TMTC4: variants seen among roughly 807,000 people sequenced by gnomAD.
TMTC4 encodes the protein transmembrane O-mannosyltransferase targeting cadherins 4.
In TMTC4, 65 loss-of-function variants were observed where a neutral mutation model predicts 86.0. That is an observed-to-expected ratio of 0.76 (90% CI 0.62 to 0.93). TMTC4 has a LOEUF of 0.93. Among genes scored for constraint, TMTC4 ranks in the 40% least tolerant of loss-of-function variants. TMTC4 has a pLI of 0.00. For synonymous variants in TMTC4, 379 were observed against 382.5 expected, an observed-to-expected ratio of 0.99 and a Z score of 0.11; for missense variants, 866 against 948.1, an observed-to-expected ratio of 0.91 and a Z score of 1.14.
intron 15 of TMTC4, among the ~76,000 whole-genome samples, chr13:100,621,378 G>C (rs1879443470): frequency 6.6e-6 from 1 of 152,054 alleles, no homozygotes; most frequent in Non-Finnish European, 1.5e-5. Flanking sequence ...AGTAACAGAA[G>C]AGCAATCCCC....
At chr13:100,672,585 G>A (rs1357775188) in intron 1 of TMTC4, among the ~76,000 whole-genome samples, 1 of 152,104 alleles carries the variant, frequency 6.6e-6, no homozygotes, top group Non-Finnish European at 1.5e-5. Context: ...CACCTTACTG[G>A]GCTCAAGGGA....
intron 6 of TMTC4, 87 bp from the exon 7 acceptor site, chr13:100,642,398 C>T: frequency 1.1e-5 from 16 of 1,414,376 alleles, no homozygotes; most frequent in South Asian, 9.6e-5. Flanking sequence ...TAAGCAAATA[C>T]CTTAAACAAC....
At chr13:100,610,231 C>T (rs912234977) in intron 17 of TMTC4, among the ~76,000 whole-genome samples, 7 of 152,182 alleles carry the variant, frequency 4.6e-5, no homozygotes, top group Non-Finnish European at 8.8e-5. Context: ...GTCTGTTCAC[C>T]CAGCCCTGCG....
chr13:100,605,328 T>G lies in TMTC4; in HGVS notation c.2135-186A>C, dbSNP rs895912288. On this transcript the variant is annotated intron_variant, in intron 18 of 18. Coordinates refer to ENST00000342624, the MANE Select transcript of TMTC4 (RefSeq NM_032813.5). This position sits in a 1 kb window ranked among gnomAD's most constrained non-coding sequence, Gnocchi z 4.3. ...ATCACACTCCCTGATGATTATCCAT[T>G]TACTGCCAGTTACTCCTAGGGCTCT... is the stretch of plus-strand genomic sequence containing the variant. Among the ~76,000 whole-genome samples, 1 of 152,218 alleles carries G rather than the reference T, an allele frequency of 6.6e-6. No homozygotes were observed. Among genetic ancestry groups the G allele is most frequent in the Non-Finnish European group, 1.5e-5 (1 of 68,044 alleles).
intron 6 of TMTC4, among the ~76,000 whole-genome samples, chr13:100,652,426 C>G (rs1024445231): frequency 2.3e-4 from 35 of 152,296 alleles, no homozygotes; most frequent in African/African-American, 7.2e-4. Flanking sequence ...TTGCAGTGAG[C>G]TGAGATTGTA....
chr13:100,631,060 G>T (rs542886713), intron 12 of TMTC4, among the ~76,000 whole-genome samples: 2 of 152,336 alleles, frequency 1.3e-5, no homozygotes, highest in Middle Eastern at 3.4e-3. Flanking sequence ...ACTTAAAATA[G>T]TGTTTAGAGA....
chr13:100,673,822 C>CT (rs1887454952), intron 1 of TMTC4, among the ~76,000 whole-genome samples: 1 of 152,212 alleles, frequency 6.6e-6, no homozygotes, highest in East Asian at 1.9e-4. Flanking sequence ...CCCACTCCAT[C>CT]TGGGGCGCGC....
intron 4 of TMTC4, 127 bp downstream of exon 4, chr13:100,664,084 TATATGAGCAG>T: frequency 1.7e-6 from 1 of 592,056 alleles, no homozygotes; most frequent in African/African-American, 1.9e-5. Context: ...GAGACCCATG[TATATGAGCAG>T]CTCAGACCCC....
intron 17 of TMTC4, among the ~76,000 whole-genome samples, chr13:100,610,269 C>T (rs1252960042): frequency 6.6e-6 from 1 of 152,238 alleles, no homozygotes; most frequent in African/African-American, 2.4e-5. Flanking sequence ...TTCTCTGGGA[C>T]ATCCTGCCCA....
At chr13:100,614,497 T>TAA (rs370662314) in intron 15 of TMTC4, 67 bp from the exon 16 acceptor site, 811 of 766,310 alleles carry the variant, frequency 1.1e-3, no homozygotes, top group South Asian at 2.2e-3. Context: ...AAGACATTAT[T>TAA]AAAAAAAAAA....
Position 100,610,515 on chromosome 13 carries a change from G to A in TMTC4, c.2064+1883C>T, listed in dbSNP as rs184649059. Among the ~76,000 whole-genome samples the A allele has an allele frequency of 2.9e-3, 449 of 152,316 alleles. 4 individuals are homozygous for A. The highest frequency in any genetic ancestry group is 4.3e-3 in the Non-Finnish European group (295 of 68,030). On this transcript the variant is annotated intron_variant, in intron 17 of 18. Coordinates refer to ENST00000342624, the MANE Select transcript of TMTC4 (RefSeq NM_032813.5). Reference sequence around the variant, plus strand: ...CTTGGTAGCTCCTGAAGATCTCATCGTGAGTTCTGTGTTTCAGATTTCACC... The same window carrying A: ...CTTGGTAGCTCCTGAAGATCTCATCATGAGTTCTGTGTTTCAGATTTCACC...
chr13:100,612,771 G>C (rs748600012), intron 16 of TMTC4, among the ~76,000 whole-genome samples: 1 of 151,848 alleles, frequency 6.6e-6, no homozygotes, highest in East Asian at 1.9e-4. Context: ...ATTAACTTCT[G>C]TAAAACCATC....
intron 17 of TMTC4, among the ~76,000 whole-genome samples, chr13:100,607,427 G>A (rs1374700530): frequency 1.3e-5 from 2 of 151,694 alleles, no homozygotes; most frequent in Non-Finnish European, 1.5e-5. Flanking sequence ...TGAGGCAGGA[G>A]AATTGCTCCA....
intron 15 of TMTC4, among the ~76,000 whole-genome samples, chr13:100,621,008 G>C (rs1351526414): frequency 6.6e-6 from 1 of 152,192 alleles, no homozygotes; most frequent in East Asian, 1.9e-4. Flanking sequence ...AAATAAGCAG[G>C]AACAGTTGGC....
rs1469393387 is a variant in TMTC4, at chr13:100,637,552, T to C, written c.985A>G (p.Ser329Gly). Residue 329 changes from serine to glycine, a missense_variant, in exon 9 of 19, where the codon AGC becomes GGC. By Grantham distance (56) the Ser-to-Gly change is moderately conservative. Transcript: ENST00000342624. ...EVDNPASFADSMLVRAVNYNY... is the reference protein window; with the variant it reads ...EVDNPASFADGMLVRAVNYNY... The stretch of plus-strand genomic sequence containing the variant: ...TCAGAACTCACCCTCACCAGCATGC[T>C]GTCAGCAAAGGAGGCCGGGTTGTCC... 2 of 1,613,462 alleles carry C rather than the reference T, an allele frequency of 1.2e-6. No individual in the cohort carries two copies. The highest frequency in any genetic ancestry group is 8.5e-7 in the Non-Finnish European group (1 of 1,179,768).
chr13:100,639,450 G>A (rs867359430), intron 7 of TMTC4, among the ~76,000 whole-genome samples: 5 of 152,246 alleles, frequency 3.3e-5, no homozygotes, highest in Middle Eastern at 3.2e-3. Flanking sequence ...CAGTTTTCCT[G>A]TGAGCTGCAG....
intron 13 of TMTC4, 57 bp downstream of exon 13, chr13:100,626,014 T>C: frequency 6.2e-7 from 1 of 1,607,568 alleles, no homozygotes; most frequent in Non-Finnish European, 8.5e-7. Flanking sequence ...GTGTTTCATA[T>C]TAGAAAGTGA....
intron 12 of TMTC4, among the ~76,000 whole-genome samples, chr13:100,632,049 ACACACTCTCTCTCTCTCTCTCTCTCT>A (rs1881487632): frequency 2.6e-5 from 2 of 77,292 alleles, no homozygotes; most frequent in Non-Finnish European, 3.0e-5. Context: ...ACACACACAC[ACACACTCTCTCTCTCTCTCTCTCTCT>A]CTCTCTCTCT....
At chr13:100,612,375 C>T in intron 17 of TMTC4, 23 bp downstream of exon 17, 1 of 1,561,996 alleles carries the variant, frequency 6.4e-7, no homozygotes, top group Non-Finnish European at 8.7e-7. Flanking sequence ...ACTGCAAGAA[C>T]TCACAGCCTG....
Sources: allele counts gnomAD v4.1 joint callset (sites outside exome capture counted in the v4.1 genomes callset), GRCh38; gene constraint gnomAD v4.1.1; non-coding constraint Gnocchi (gnomAD v3.1); transcripts MANE v1.5; gene names NCBI Gene and HGNC (gene_info 2026-07-23, HGNC 2026-07-21).